Variants in RFX3 observed in about 807,000 individuals in gnomAD.
RFX3 encodes the protein regulatory factor X3.
Under a neutral mutation model 98.6 loss-of-function variants are expected in RFX3, and 14 were observed. That is an observed-to-expected ratio of 0.14 (90% confidence interval 0.09 to 0.22). The LOEUF (loss-of-function observed/expected upper bound fraction) is 0.22. Ranked by LOEUF, RFX3 falls within the 10% of genes least tolerant of loss-of-function variation. RFX3 has a pLI of 1.00. For missense variants in RFX3, 639 were observed against 926.9 expected, an observed-to-expected ratio of 0.69 and a Z score of 4.03; for synonymous variants, 383 against 328.4, an observed-to-expected ratio of 1.17 and a Z score of -1.80.
At chr9:3,260,490 C>T (rs1439456796) in intron 13 of RFX3, among the ~76,000 whole-genome samples, 10 of 151,780 alleles carry the variant, frequency 6.6e-5, no homozygotes, top group African/African-American at 9.6e-5. Flanking sequence ...GCTAACAGAA[C>T]ACTGAAAAAC....
chr9:3,490,319 C>T (rs1231440844), intron 1 of RFX3: 1 of 984,006 alleles, frequency 1.0e-6, no homozygotes, highest in Non-Finnish European at 1.2e-6. Flanking sequence ...TATTCTCTAC[C>T]ATAAAATGCC....
intron 3 of RFX3, among the ~76,000 whole-genome samples, chr9:3,336,965 G>T (rs1168727382): frequency 6.6e-6 from 1 of 152,266 alleles, no homozygotes; most frequent in African/African-American, 2.4e-5. Flanking sequence ...AGTATGAAAT[G>T]TACGCCTAAT....
chr9:3,227,774 G>C (rs1046545281), intron 16 of RFX3, among the ~76,000 whole-genome samples: 2 of 152,252 alleles, frequency 1.3e-5, no homozygotes, highest in Middle Eastern at 3.4e-3. Flanking sequence ...ATTTTTCTAA[G>C]GGTTATTTGG....
intron 1 of RFX3, among the ~76,000 whole-genome samples, chr9:3,523,439 C>T (rs947932170): frequency 6.6e-6 from 1 of 151,934 alleles, no homozygotes; most frequent in African/African-American, 2.4e-5. Context: ...CAATTTTATC[C>T]CACATATATG....
At chr9:3,525,724 T>C (rs1220866484) in intron 1 of RFX3, 23 bp downstream of exon 1, 2 of 211,436 alleles carry the variant, frequency 9.5e-6, no homozygotes, top group Non-Finnish European at 1.6e-5. Context: ...CCCACACACA[T>C]GTAGAGACCG....
intron 9 of RFX3, among the ~76,000 whole-genome samples, chr9:3,273,780 G>T (rs145615461): frequency 1.3e-5 from 2 of 150,220 alleles, no homozygotes; most frequent in African/African-American, 4.9e-5. Flanking sequence ...CAGGAGAATC[G>T]CTTGAACCCA....
chr9:3,484,919 C>A (rs968229271), intron 1 of RFX3, among the ~76,000 whole-genome samples: 16 of 150,416 alleles, frequency 1.1e-4, no homozygotes, highest in South Asian at 2.2e-4. Flanking sequence ...CACCCCCCCC[C>A]ACCCCATCTC....
intron 4 of RFX3, among the ~76,000 whole-genome samples, chr9:3,306,572 G>A (rs1288685267): frequency 6.9e-6 from 1 of 145,170 alleles, no homozygotes; most frequent in Non-Finnish European, 1.5e-5. Flanking sequence ...GACACAGGAA[G>A]GGGAACATCA....
At position 3,222,769 on chromosome 9, in the gene RFX3, T is replaced by C. The variant is rs896703411; in HGVS notation, c.*2273A>G. 2 of 152,170 alleles carry C rather than the reference T, an allele frequency of 1.3e-5. No individual in the cohort carries two copies. Among genetic ancestry groups the C allele is most frequent in the African/African-American group, 4.8e-5 (2 of 41,452 alleles). The allele number at this position is 152,170 out of a possible 1,614,324, so 9.4% of individuals were successfully genotyped here. ...TTTTTTGTGTGTGTTTTGGTACAAA[T>C]CCATTGTCTTTTTGGGAGGAAAAAG... is the stretch of plus-strand genomic sequence containing the variant. On this transcript the variant is annotated 3_prime_UTR_variant, in exon 17 of 17. Coordinates refer to ENST00000617270, the MANE Select transcript of RFX3 (RefSeq NM_001282116.2).
intron 4 of RFX3, among the ~76,000 whole-genome samples, chr9:3,310,548 C>T (rs1419372183): frequency 1.3e-5 from 2 of 152,152 alleles, no homozygotes; most frequent in South Asian, 2.1e-4. Context: ...AGAACTGTTA[C>T]AGTGATTTGA....
chr9:3,456,938 A>G (rs1847217496), intron 1 of RFX3, among the ~76,000 whole-genome samples: 1 of 151,812 alleles, frequency 6.6e-6, no homozygotes, highest in African/African-American at 2.4e-5. Flanking sequence ...CATGAGGTCA[A>G]GAGATCGAGA....
At chr9:3,467,801 T>C (rs956078930) in intron 1 of RFX3, among the ~76,000 whole-genome samples, 7 of 152,098 alleles carry the variant, frequency 4.6e-5, no homozygotes, top group South Asian at 2.1e-4. Flanking sequence ...CAAGCACACA[T>C]AGGGCTTCCC....
intron 3 of RFX3, among the ~76,000 whole-genome samples, chr9:3,343,800 G>C (rs1587197456): frequency 6.6e-6 from 1 of 152,188 alleles, no homozygotes; most frequent in African/African-American, 2.4e-5. Context: ...TTATTGGCTA[G>C]AGTTGAGGAT....
intron 16 of RFX3, 22 bp downstream of exon 16, chr9:3,228,825 G>T: frequency 6.3e-7 from 1 of 1,592,776 alleles, no homozygotes; most frequent in Non-Finnish European, 8.6e-7. Flanking sequence ...TTCTTAAAAT[G>T]TACATTATTT....
At chr9:3,501,252 A>G (rs1240277420) in intron 1 of RFX3, among the ~76,000 whole-genome samples, 1 of 152,182 alleles carries the variant, frequency 6.6e-6, no homozygotes, top group African/African-American at 2.4e-5. Context: ...AAAGATCCTC[A>G]GTAAATGTTG....
chr9:3,330,205 T>C, intron 4 of RFX3, 54 bp downstream of exon 4: 2 of 1,575,394 alleles, frequency 1.3e-6, no homozygotes, highest in Admixed American at 1.7e-5. Context: ...AAAGGAAATG[T>C]TCATTAGAGA....
chr9:3,400,489 C>A (rs1329597336), intron 1 of RFX3, among the ~76,000 whole-genome samples: 4 of 152,146 alleles, frequency 2.6e-5, no homozygotes, highest in Non-Finnish European at 5.9e-5. Flanking sequence ...CTGTTTATTC[C>A]CAAATTACTG....
intron 5 of RFX3, among the ~76,000 whole-genome samples, chr9:3,295,485 G>C (rs570034210): frequency 6.6e-6 from 1 of 151,898 alleles, no homozygotes; most frequent in Non-Finnish European, 1.5e-5. Context: ...ATAGGTTCTT[G>C]ATATCAAGGA....
At chr9:3,486,285 T>C (rs903942321) in intron 1 of RFX3, among the ~76,000 whole-genome samples, 1 of 152,124 alleles carries the variant, frequency 6.6e-6, no homozygotes, top group Middle Eastern at 3.2e-3. Flanking sequence ...ACTGTCTTTT[T>C]TATGACAAAT....
Sources: gnomAD v4.1 joint callset for allele counts (sites outside exome capture counted in the v4.1 genomes callset) on GRCh38, gnomAD v4.1.1 for gene constraint, MANE v1.5 for transcripts, NCBI Gene and HGNC (gene_info 2026-07-23, HGNC 2026-07-21) for gene names.